Variants in CEP128 observed in about 807,000 individuals in gnomAD.
The protein encoded by CEP128 is centrosomal protein 128kDa.
In CEP128, 132 loss-of-function variants were observed where a neutral mutation model predicts 156.7. The ratio of observed to expected loss-of-function variants is 0.84; its 90% CI spans 0.73 to 0.97. CEP128 has a LOEUF of 0.97. Among genes scored for constraint, CEP128 ranks in the 50% least tolerant of loss-of-function variants. The probability of loss-of-function intolerance (pLI) is 0.00; values close to 1 mark genes in which losing one functional copy is unlikely to be tolerated. For missense variants in CEP128, 1,252 were observed against 1,281.9 expected (o/e 0.98, Z 0.36); for synonymous variants, 469 against 448.9 (o/e 1.04, Z -0.57).
At chr14:80,798,998 T>G (rs1344662855) in intron 13 of CEP128, among the ~76,000 whole-genome samples, 3 of 152,226 alleles carry the variant, frequency 2.0e-5, no homozygotes, top group Non-Finnish European at 4.4e-5. Flanking sequence ...GTGCTTTGTA[T>G]AGAAACTTGT....
chr14:80,896,431 C>T (rs1889353593), intron 7 of CEP128, among the ~76,000 whole-genome samples: 2 of 152,166 alleles, frequency 1.3e-5, no homozygotes, highest in African/African-American at 4.8e-5. Flanking sequence ...AATTATTTTG[C>T]TGGTTGCCTT....
intron 13 of CEP128, among the ~76,000 whole-genome samples, chr14:80,826,729 C>G (rs1885502200): frequency 6.6e-6 from 1 of 152,180 alleles, no homozygotes. Context: ...TTATCACTTT[C>G]AACATTTAAT....
chr14:80,821,640 CACAT>C (rs773108469), intron 13 of CEP128, among the ~76,000 whole-genome samples: 1,327 of 132,648 alleles, frequency 0.01, 12 homozygotes, highest in Non-Finnish European at 0.012. Context: ...CACACACACA[CACAT>C]GCACACAAAG....
chr14:80,787,099 A>G (rs549201198), intron 14 of CEP128, among the ~76,000 whole-genome samples: 1 of 152,324 alleles, frequency 6.6e-6, no homozygotes, highest in Admixed American at 6.5e-5. Flanking sequence ...CAGACTTAGT[A>G]GCTTAAAATA....
rs1347436686 is a variant in CEP128, at chr14:80,729,056, GGGGTGTGTGTGTGTGTGTGTGTGTGT to G, written c.2806+13993_2806+14018del. Among the ~76,000 whole-genome samples, 202 of 88,210 alleles carry G rather than the reference GGGGTGTGTGTGTGTGTGTGTGTGTGT, an allele frequency of 2.3e-3. 3 individuals are homozygous for G. The highest frequency in any genetic ancestry group is 5.3e-3 in the African/African-American group (127 of 24,070). The allele number at this position is 88,210 out of a possible 152,430, so 57.9% of individuals were successfully genotyped here. A position where few individuals can be genotyped will look rare whatever the true frequency, so the allele number is the denominator to read the frequency against. On this transcript the variant is annotated intron_variant, in intron 19 of 24. Coordinates refer to ENST00000555265, the MANE Select transcript of CEP128 (RefSeq NM_152446.5). Reference sequence around the variant, plus strand: ...GCCCTAGTCCCAGGCTGGGCTGGTGGGGGTGTGTGTGTGTGTGTGTGTGTGTGTGTGTGTGTGTGTGTGTGTGTGTG... The same window carrying G: ...GCCCTAGTCCCAGGCTGGGCTGGTGGGTGTGTGTGTGTGTGTGTGTGTGTG...
chr14:80,680,984 C>T (rs565726774), intron 19 of CEP128, among the ~76,000 whole-genome samples: 2 of 152,252 alleles, frequency 1.3e-5, no homozygotes, highest in South Asian at 4.1e-4. Context: ...TCCCAATAAA[C>T]AAGAATCAAG....
intron 19 of CEP128, among the ~76,000 whole-genome samples, chr14:80,653,298 C>T (rs1894989503): frequency 1.3e-5 from 2 of 151,890 alleles, no homozygotes; most frequent in South Asian, 4.2e-4. Context: ...CAAACCTGCA[C>T]ATTCTACACA....
intron 8 of CEP128, among the ~76,000 whole-genome samples, chr14:80,890,410 A>C (rs2139368834): frequency 6.6e-6 from 1 of 152,336 alleles, no homozygotes; most frequent in Non-Finnish European, 1.5e-5. Context: ...GATAAAGAAA[A>C]TGTGGCACAT....
chr14:80,656,496 T>C (rs1174360945), intron 19 of CEP128, among the ~76,000 whole-genome samples: 2 of 150,798 alleles, frequency 1.3e-5, no homozygotes, highest in Non-Finnish European at 3.0e-5. Flanking sequence ...TAAAAACAAT[T>C]AGGACTGAAA....
chr14:80,816,651 G>T (rs10143757), intron 13 of CEP128, among the ~76,000 whole-genome samples: 9,869 of 152,122 alleles, frequency 0.065, 1,065 homozygotes, highest in African/African-American at 0.23. Context: ...TATGAACAGA[G>T]AGTTCAAAAG....
intron 2 of CEP128, among the ~76,000 whole-genome samples, chr14:80,954,512 A>C (rs1377522629): frequency 6.6e-6 from 1 of 152,140 alleles, no homozygotes; most frequent in Non-Finnish European, 1.5e-5. Flanking sequence ...CCTCCAGCCT[A>C]ATTACGATAT....
chr14:80,597,495 AAAG>A (rs977628947), intron 19 of CEP128, among the ~76,000 whole-genome samples: 4 of 152,176 alleles, frequency 2.6e-5, no homozygotes, highest in Admixed American at 6.5e-5. Context: ...CCAAATGTTC[AAAG>A]AAGAATTGGT....
At chr14:80,894,624 T>C (rs764387912) in intron 8 of CEP128, 2 of 478,346 alleles carry the variant, frequency 4.2e-6, no homozygotes, top group Non-Finnish European at 8.4e-6. Context: ...CGTTGTCTAC[T>C]TCAGCAGAAG....
chr14:80,551,444 C>T (rs1414703099), intron 21 of CEP128, among the ~76,000 whole-genome samples: 1 of 152,176 alleles, frequency 6.6e-6, no homozygotes, highest in Non-Finnish European at 1.5e-5. Flanking sequence ...TTGGCAAAGC[C>T]AGTCCTTACT....
rs142597691 is a variant in CEP128, at chr14:80,783,895, C to A, written c.2211+1000G>T. Among the ~76,000 whole-genome samples the A allele has an allele frequency of 9.6e-4, 146 of 152,200 alleles. 1 individual carries two copies. Among genetic ancestry groups the A allele is most frequent in the African/African-American group, 3.4e-3 (142 of 41,518 alleles). On this transcript the variant is annotated intron_variant, in intron 15 of 24. Coordinates refer to ENST00000555265, the MANE Select transcript of CEP128 (RefSeq NM_152446.5). ...TTACCTATTTTAGCCTCCATTCTGA[C>A]CTGCCAATCCCAACTGAAGACCCCA...
chr14:80,952,989 A>T (rs1886496882), intron 2 of CEP128, among the ~76,000 whole-genome samples: 1 of 152,204 alleles, frequency 6.6e-6, no homozygotes, highest in Non-Finnish European at 1.5e-5. Context: ...TATGTTTAGA[A>T]ACTGGATTTA....
chr14:80,947,239 T>C (rs1428304549), intron 2 of CEP128, among the ~76,000 whole-genome samples: 1 of 152,194 alleles, frequency 6.6e-6, no homozygotes, highest in Non-Finnish European at 1.5e-5. Flanking sequence ...TACCAACATT[T>C]TCCTCAAATG....
At chr14:80,543,990 C>T (rs1319217951) in intron 21 of CEP128, among the ~76,000 whole-genome samples, 1 of 152,134 alleles carries the variant, frequency 6.6e-6, no homozygotes, top group East Asian at 1.9e-4. Flanking sequence ...GAAAATTAGG[C>T]AGGATTTCAC....
chr14:80,492,490 G>A (rs1333233236), downstream of CEP128, among the ~76,000 whole-genome samples: 1 of 152,164 alleles, frequency 6.6e-6, no homozygotes, highest in Non-Finnish European at 1.5e-5. Flanking sequence ...ACAGAAAGTT[G>A]CTTCTAAAGA....
Sources: allele counts gnomAD v4.1 joint callset (sites outside exome capture counted in the v4.1 genomes callset), GRCh38; gene constraint gnomAD v4.1.1; transcripts MANE v1.5; gene names NCBI Gene and HGNC (gene_info 2026-07-23, HGNC 2026-07-21).